Variants in EIF2AK2 observed in about 807,000 individuals in gnomAD.
The protein encoded by EIF2AK2 is interferon-induced, double-stranded RNA-activated protein kinase.
In EIF2AK2, 40 loss-of-function variants were observed where a neutral mutation model predicts 70.5. That is an observed-to-expected ratio of 0.57 (90% CI 0.44 to 0.74). The LOEUF is 0.74. EIF2AK2 is among the 30% of genes least tolerant of loss of function. EIF2AK2 has a pLI of 0.00. For synonymous variants in EIF2AK2, 198 were observed against 220.9 expected (o/e 0.90, Z 0.92); for missense variants, 555 against 644.3 (o/e 0.86, Z 1.50).
intron 14 of EIF2AK2, among the ~76,000 whole-genome samples, chr2:37,111,398 CT>C (rs567678890): frequency 0.023 from 2,982 of 130,844 alleles, 95 homozygotes; most frequent in African/African-American, 0.074. Context: ...AATTTCTTTT[CT>C]TTTTTTTTTT....
rs1349662477 is a variant in EIF2AK2, at chr2:37,121,404, A to G, written c.1067+1102T>C. ...GCAGGAAACTAAATTTCATTATTAT[A>G]TAAAGTAACTTTGAAACCTTTTAAT... On this transcript the variant is annotated intron_variant, in intron 12 of 16. Coordinates refer to ENST00000233057, the MANE Select transcript of EIF2AK2 (RefSeq NM_001135651.3). Among the ~76,000 whole-genome samples, 4 of 152,142 alleles carry G rather than the reference A, an allele frequency of 2.6e-5. No homozygotes were observed. The East Asian group carries it at 7.7e-4, about 29-fold the overall frequency.
intron 11 of EIF2AK2, 81 bp from the exon 12 acceptor site, chr2:37,122,745 A>G (rs1179003593): frequency 2.6e-6 from 4 of 1,534,582 alleles, no homozygotes; most frequent in Non-Finnish European, 8.9e-7. Flanking sequence ...GTAATAGACA[A>G]CTGTCTACAT....
chr2:37,155,084 C>T (rs1203641684), intron 1 of EIF2AK2, among the ~76,000 whole-genome samples: 1 of 152,082 alleles, frequency 6.6e-6, no homozygotes, highest in African/African-American at 2.4e-5. Flanking sequence ...TTAAATTCCA[C>T]GGACACAATG....
At chr2:37,140,264 G>C (rs1181689968) in intron 5 of EIF2AK2, among the ~76,000 whole-genome samples, 1 of 152,102 alleles carries the variant, frequency 6.6e-6, no homozygotes, top group Non-Finnish European at 1.5e-5. Flanking sequence ...ACAAAAATTT[G>C]AGAAAATCCC....
intron 13 of EIF2AK2, among the ~76,000 whole-genome samples, chr2:37,116,138 A>G (rs1196775206): frequency 6.6e-6 from 1 of 152,166 alleles, no homozygotes; most frequent in Non-Finnish European, 1.5e-5. Flanking sequence ...ACCTCAAGCA[A>G]TCTGCTCACC....
intron 10 of EIF2AK2, 150 bp downstream of exon 10, chr2:37,135,334 A>T (rs1484298152): frequency 1.8e-6 from 1 of 558,296 alleles, no homozygotes; most frequent in East Asian, 3.0e-5. Flanking sequence ...CCTCTTAATG[A>T]TAAGCCTAAG....
At position 37,104,344 on chromosome 2, in the gene EIF2AK2, T is replaced by C. The variant is rs1254061387; in HGVS notation, c.*2929A>G. On this transcript the variant is annotated 3_prime_UTR_variant, in exon 17 of 17. Transcript: ENST00000233057. ...TTTTATTATTATTATTATTTAGATA[T>C]GATCTCACTCTGTCACCCAGGCTGG... is the stretch of plus-strand genomic sequence containing the variant. 1.3e-5 allele frequency: 2 copies of C among 151,822 alleles called. No homozygotes were observed. The highest frequency in any genetic ancestry group is 4.8e-5 in the African/African-American group (2 of 41,324). The allele number at this position is 151,822 out of a possible 1,614,324, so 9.4% of individuals were successfully genotyped here. A position where few individuals can be genotyped will look rare whatever the true frequency, so the allele number is the denominator to read the frequency against.
intron 12 of EIF2AK2, among the ~76,000 whole-genome samples, chr2:37,121,627 T>A (rs1256159920): frequency 6.6e-6 from 1 of 151,776 alleles, no homozygotes; most frequent in African/African-American, 2.4e-5. Context: ...ATTTTTTTTT[T>A]TTTTTTTTTT....
chr2:37,109,354 C>T, intron 14 of EIF2AK2, 59 bp from the exon 15 acceptor site: 2 of 1,485,462 alleles, frequency 1.3e-6, no homozygotes, highest in Non-Finnish European at 1.8e-6. Context: ...ATCCAGCCTT[C>T]TAAAGCCCAA....
At chr2:37,150,141 TAAAA>T (rs34438804) in intron 1 of EIF2AK2, among the ~76,000 whole-genome samples, 4,765 of 136,070 alleles carry the variant, frequency 0.035, 117 homozygotes, top group South Asian at 0.071. Flanking sequence ...GAAGTGACGG[TAAAA>T]AAAAAAAAAA....
chr2:37,147,019 C>G (rs563379442), intron 3 of EIF2AK2, 46 bp from the exon 4 acceptor site: 89 of 1,564,340 alleles, frequency 5.7e-5, no homozygotes, highest in Non-Finnish European at 7.6e-5. Context: ...AACTCATGCA[C>G]TATCTAAAAA....
chr2:37,153,307 C>A (rs960729167), intron 1 of EIF2AK2, among the ~76,000 whole-genome samples: 8 of 150,594 alleles, frequency 5.3e-5, no homozygotes, highest in Admixed American at 4.6e-4. Flanking sequence ...AGTAACTCCC[C>A]ATTTCCCAGT....
chr2:37,118,263 G>A (rs563502129), intron 13 of EIF2AK2, among the ~76,000 whole-genome samples: 15 of 152,202 alleles, frequency 9.9e-5, no homozygotes, highest in Non-Finnish European at 1.5e-4. Context: ...GTAATGAGCC[G>A]TGATTGTGCC....
chr2:37,125,419 A>G (rs552106132), intron 11 of EIF2AK2, among the ~76,000 whole-genome samples: 103 of 152,348 alleles, frequency 6.8e-4, no homozygotes, highest in Non-Finnish European at 1.2e-3. Flanking sequence ...TTTAACCAAT[A>G]TAACTTGATG....
intron 4 of EIF2AK2, among the ~76,000 whole-genome samples, chr2:37,143,743 G>C (rs1312850504): frequency 6.6e-6 from 1 of 152,032 alleles, no homozygotes; most frequent in African/African-American, 2.4e-5. Context: ...AATTGGCCAG[G>C]TGTGGTGGCT....
chr2:37,115,749 T>C (rs1674320326), intron 13 of EIF2AK2, among the ~76,000 whole-genome samples: 1 of 152,158 alleles, frequency 6.6e-6, no homozygotes, highest in Non-Finnish European at 1.5e-5. Context: ...TTGGGGGTCT[T>C]TTCTCCAAGC....
At chr2:37,119,563 A>T (rs1217484239) in intron 13 of EIF2AK2, among the ~76,000 whole-genome samples, 1 of 151,692 alleles carries the variant, frequency 6.6e-6, no homozygotes, top group Non-Finnish European at 1.5e-5. Context: ...AGAGAAAAAA[A>T]TATATATCTA....
chr2:37,113,924 T>C (rs1256272369), intron 14 of EIF2AK2, among the ~76,000 whole-genome samples: 2 of 152,180 alleles, frequency 1.3e-5, no homozygotes, highest in Non-Finnish European at 2.9e-5. Flanking sequence ...AATGCACTGG[T>C]CAATCTATTC....
chr2:37,130,963 C>T (rs1674919202), intron 10 of EIF2AK2, among the ~76,000 whole-genome samples: 1 of 152,198 alleles, frequency 6.6e-6, no homozygotes, highest in South Asian at 2.1e-4. Flanking sequence ...TAGGATTAAT[C>T]ATAACTCCAA....
Sources: gnomAD v4.1 joint callset for allele counts (sites outside exome capture counted in the v4.1 genomes callset) on GRCh38, gnomAD v4.1.1 for gene constraint, MANE v1.5 for transcripts, NCBI Gene and HGNC (gene_info 2026-07-23, HGNC 2026-07-21) for gene names.